The following CNTN5 variants were observed in gnomAD, a reference collection of about 807,000 sequenced individuals.
The protein encoded by CNTN5 is contactin-5.
In CNTN5, 77 loss-of-function variants were observed where a neutral mutation model predicts 129.1. That is an observed-to-expected ratio of 0.60 (90% CI 0.50 to 0.72). CNTN5 has a LOEUF of 0.72. Among genes scored for constraint, CNTN5 ranks in the 30% least tolerant of loss-of-function variants. The pLI, the probability that CNTN5 is intolerant of heterozygous loss-of-function variation, is 0.00. For synonymous variants in CNTN5, 509 were observed against 465.6 expected (o/e 1.09, Z -1.20); for missense variants, 1,478 against 1,328.8 (o/e 1.11, Z -1.75).
At chr11:99,833,924 T>C (rs777507500) in intron 4 of CNTN5, among the ~76,000 whole-genome samples, 2 of 152,154 alleles carry the variant, frequency 1.3e-5, no homozygotes, top group African/African-American at 2.4e-5. Flanking sequence ...TTCAAGGATG[T>C]AACTTTCATT....
rs934045326 is a variant in CNTN5, at chr11:99,198,835, A to T, written c.-209-126511A>T. ...TTTGTTTTTTGAGACTGTCACTAAC[A>T]GATTTGATCCCAACATGATAGAAAC... On this transcript the variant is annotated intron_variant, in intron 1 of 24. Transcript: ENST00000524871. 7.0e-4 allele frequency among the ~76,000 whole-genome samples: 106 copies of T among 152,160 alleles called. 5 individuals carry two copies. Among genetic ancestry groups the T allele is most frequent in the Non-Finnish European group, 1.0e-4 (7 of 68,020 alleles).
At chr11:100,001,229 A>C (rs1939854227) in intron 8 of CNTN5, among the ~76,000 whole-genome samples, 1 of 152,208 alleles carries the variant, frequency 6.6e-6, no homozygotes, top group Admixed American at 6.5e-5. Context: ...GAAGCAAGGC[A>C]TGTCTTACGT....
chr11:99,360,742 G>C (rs923069546), intron 2 of CNTN5, among the ~76,000 whole-genome samples: 1 of 152,164 alleles, frequency 6.6e-6, no homozygotes, highest in African/African-American at 2.4e-5. Context: ...TTCCACACAA[G>C]CATACTAATC....
chr11:99,655,556 T>C (rs1024637059), intron 3 of CNTN5, among the ~76,000 whole-genome samples: 1 of 152,116 alleles, frequency 6.6e-6, no homozygotes, highest in Non-Finnish European at 1.5e-5. Flanking sequence ...AGAATCTCTT[T>C]GGAAGCAAAC....
intron 1 of CNTN5, among the ~76,000 whole-genome samples, chr11:99,244,737 G>C (rs1315250148): frequency 6.6e-6 from 1 of 152,100 alleles, no homozygotes; most frequent in Non-Finnish European, 1.5e-5. Context: ...TTAGGCATAT[G>C]AATCTGCAAA....
chr11:100,004,309 T>G (rs553045261), intron 9 of CNTN5, among the ~76,000 whole-genome samples: 1 of 152,096 alleles, frequency 6.6e-6, no homozygotes, highest in Non-Finnish European at 1.5e-5. Context: ...TTTTTTTTTG[T>G]CTTGTGGCCT....
At chr11:100,032,078 C>A (rs555675559) in intron 9 of CNTN5, among the ~76,000 whole-genome samples, 4 of 152,228 alleles carry the variant, frequency 2.6e-5, no homozygotes, top group Non-Finnish European at 4.4e-5. Flanking sequence ...TTCTAATGCA[C>A]CTAACCATAT....
At position 99,247,911 on chromosome 11, in the gene CNTN5, G is replaced by A. The variant is rs956120907; in HGVS notation, c.-209-77435G>A. Among the ~76,000 whole-genome samples, 362 of 152,100 alleles carry A rather than the reference G, an allele frequency of 2.4e-3. 1 individual carries two copies. Among genetic ancestry groups the A allele is most frequent in the African/African-American group, 8.0e-3 (333 of 41,498 alleles). On this transcript the variant is annotated intron_variant, in intron 1 of 24. Coordinates refer to ENST00000524871, the MANE Select transcript of CNTN5 (RefSeq NM_014361.4). ...AGTCTTTGCTATTGTGAATAGTGCC[G>A]CAATAAACATATGTGTGCAAGTGTC...
chr11:99,477,682 G>C (rs536680032), intron 2 of CNTN5, among the ~76,000 whole-genome samples: 2 of 151,946 alleles, frequency 1.3e-5, no homozygotes, highest in Admixed American at 1.3e-4. Context: ...GGGTGCAGTG[G>C]CTCACACCTG....
At chr11:99,114,415 C>T (rs1444549275) in intron 1 of CNTN5, among the ~76,000 whole-genome samples, 1 of 151,830 alleles carries the variant, frequency 6.6e-6, no homozygotes, top group Non-Finnish European at 1.5e-5. Flanking sequence ...CCTTCCTTCT[C>T]TTTCTCCTTC....
intron 8 of CNTN5, among the ~76,000 whole-genome samples, chr11:99,963,311 G>A (rs1183818473): frequency 2.0e-5 from 3 of 152,224 alleles, no homozygotes; most frequent in South Asian, 4.2e-4. Context: ...GTAAGTCTTT[G>A]CTCCATCTTG....
At chr11:100,223,597 T>C (rs999163753) in intron 15 of CNTN5, among the ~76,000 whole-genome samples, 1 of 152,120 alleles carries the variant, frequency 6.6e-6, no homozygotes, top group Admixed American at 6.6e-5. Flanking sequence ...AACACATCAC[T>C]TTTTAAAGGT....
intron 6 of CNTN5, among the ~76,000 whole-genome samples, chr11:99,853,741 C>T (rs1947948362): frequency 6.6e-6 from 1 of 151,912 alleles, no homozygotes; most frequent in Non-Finnish European, 1.5e-5. Flanking sequence ...AATTGTAGGC[C>T]AACTGCTAAA....
intron 8 of CNTN5, among the ~76,000 whole-genome samples, chr11:99,974,003 AT>A (rs1937762206): frequency 6.6e-6 from 1 of 152,212 alleles, no homozygotes; most frequent in African/African-American, 2.4e-5. Context: ...TATTCAAAAT[AT>A]TTTAAAACTC....
rs17632696 is a variant in CNTN5, at chr11:100,254,895, T to C, written c.2006-865T>C. 7.2e-3 allele frequency among the ~76,000 whole-genome samples: 1,099 copies of C among 152,342 alleles called. 11 individuals are homozygous for C. The highest frequency in any genetic ancestry group is 0.024 in the African/African-American group (978 of 41,588). On this transcript the variant is annotated intron_variant, in intron 16 of 24. Coordinates refer to ENST00000524871, the MANE Select transcript of CNTN5 (RefSeq NM_014361.4). ...ATACTATGGAATGGAAGAACTGGCA[T>C]TGCTTTGTAGCCACTAAAATATAAA...
intron 1 of CNTN5, among the ~76,000 whole-genome samples, chr11:99,245,099 A>G (rs965368314): frequency 6.6e-6 from 1 of 152,126 alleles, no homozygotes; most frequent in Non-Finnish European, 1.5e-5. Flanking sequence ...AAAATTATTC[A>G]TATCACTGTC....
At chr11:99,728,591 T>G (rs2135080688) in intron 3 of CNTN5, among the ~76,000 whole-genome samples, 1 of 152,312 alleles carries the variant, frequency 6.6e-6, no homozygotes, top group East Asian at 1.9e-4. Context: ...ATTAGCAGCC[T>G]CATAGTGATG....
chr11:99,701,395 A>G (rs1191728372), intron 3 of CNTN5, among the ~76,000 whole-genome samples: 1 of 151,256 alleles, frequency 6.6e-6, no homozygotes, highest in Non-Finnish European at 1.5e-5. Flanking sequence ...TTCAATAGGT[A>G]ATAGAATACA....
chr11:100,326,617 T>TTCCAACTGCA (rs1951792236), intron 21 of CNTN5, among the ~76,000 whole-genome samples: 4 of 152,244 alleles, frequency 2.6e-5, no homozygotes, highest in African/African-American at 9.6e-5. Flanking sequence ...ATCTGCCCTT[T>TTCCAACTGCA]ATATTTCAAC....
Sources: allele counts gnomAD v4.1 joint callset (sites outside exome capture counted in the v4.1 genomes callset), GRCh38; gene constraint gnomAD v4.1.1; transcripts MANE v1.5; gene names NCBI Gene and HGNC (gene_info 2026-07-23, HGNC 2026-07-21).